NFE2: variants seen among roughly 807,000 people sequenced by gnomAD.
NFE2 encodes nuclear factor, erythroid 2, also known as transcription factor NF-E2 45 kDa subunit.
NFE2 carries 13 observed loss-of-function variants against 25.8 expected under a neutral mutation model. The observed-to-expected ratio is 0.50, with a 90% CI of 0.33 to 0.80. The LOEUF is 0.80. Among genes scored for constraint, NFE2 ranks in the 30% least tolerant of loss-of-function variants. The pLI is 0.02. For missense variants in NFE2, 382 were observed against 478.9 expected, an observed-to-expected ratio of 0.80 and a Z score of 1.89; for synonymous variants, 204 against 200.2, an observed-to-expected ratio of 1.02 and a Z score of -0.16.
chr12:54,292,457 G>A lies in NFE2; in HGVS notation c.1039C>T (p.Pro347Ser). 1 of 1,614,196 alleles carries A rather than the reference G, an allele frequency of 6.2e-7. No homozygotes were observed. Among genetic ancestry groups the A allele is most frequent in the Non-Finnish European group, 8.5e-7 (1 of 1,180,026 alleles). Residue 347 changes from proline (P) to serine (S), a missense_variant, in exon 3 of 3, where the codon CCT becomes TCT. Physicochemically the swap from Pro to Ser is moderately conservative, Grantham distance 74 (BLOSUM62 -1). Transcript: ENST00000435572. The part of the protein sequence containing the change: ...LRDESGNSYS[P>S]EEYALQQAAD... ...GCCTGTTGCAGCGCGTACTCTTCAG[G>A]AGAGTAGCTGTTGCCTGATTCATCC...
At chr12:54,294,375 C>T (rs1052867853) in intron 2 of NFE2, among the ~76,000 whole-genome samples, 2 of 152,124 alleles carry the variant, frequency 1.3e-5, no homozygotes, top group Non-Finnish European at 2.9e-5. Context: ...AGATCCTGGC[C>T]ATGCCCCAGA....
Position 54,292,236 on chromosome 12 carries a change from C to T in NFE2, c.*138G>A, listed in dbSNP as rs1944322995. On this transcript the variant is annotated 3_prime_UTR_variant, in exon 3 of 3. Coordinates refer to ENST00000435572, the MANE Select transcript of NFE2 (RefSeq NM_001136023.3). ...AAGCCTCTTTGAACACACCTTGGAA[C>T]TTCCAAACACTTGTTGCCATTGTCA... 1 of 902,312 alleles carries T rather than the reference C, an allele frequency of 1.1e-6. No individual in the cohort carries two copies. The highest frequency in any genetic ancestry group is 1.6e-6 in the Non-Finnish European group (1 of 606,260). 55.9% of individuals were successfully genotyped at this position (902,312 alleles called of 1,614,324 possible).
rs1391375831 is a variant in NFE2, at chr12:54,292,649, A to G, written c.847T>C (p.Cys283Arg). 1 of 1,614,154 alleles carries G rather than the reference A, an allele frequency of 6.2e-7. No homozygotes were observed. Among genetic ancestry groups the G allele is most frequent in the Non-Finnish European group, 8.5e-7 (1 of 1,180,020 alleles). ...RGKNKVAAQN[C>R]RKRKLETIVQ... ...ATGGTTTCCAGCTTCCTCTTGCGGCAGTTCTGGGCTGCCACCTTGTTTTTG... is the reference window on the plus strand; with the variant it reads ...ATGGTTTCCAGCTTCCTCTTGCGGCGGTTCTGGGCTGCCACCTTGTTTTTG... The change falls in exon 3 of 3, where the codon TGC becomes CGC. Residue 283 changes from cysteine to arginine, a missense_variant. Coordinates refer to ENST00000435572, the MANE Select transcript of NFE2 (RefSeq NM_001136023.3).
Position 54,292,599 on chromosome 12 carries a change from C to A in NFE2, c.897G>T (p.Glu299Asp). ...GCCGCTCCCGTTCATTGGTCAGCCG[C>A]TCCAGCTCCCGCTCCAGCTGCACAA... ...ETIVQLEREL[E>D]RLTNERERLL... The change falls in exon 3 of 3, where the codon GAG becomes GAT. Residue 299 changes from glutamate to aspartate, a missense_variant. Coordinates refer to ENST00000435572, the MANE Select transcript of NFE2 (RefSeq NM_001136023.3). The A allele has an allele frequency of 6.2e-7, 1 of 1,614,208 alleles. No homozygotes were observed. The highest frequency in any genetic ancestry group is 1.1e-5 in the South Asian group (1 of 91,090).
In NFE2 at chr12:54,292,442, G is replaced by C; in HGVS notation, c.1054C>G (p.Leu352Val). The change falls in exon 3 of 3, where the codon CTG becomes GTG. Residue 352 changes from leucine to valine, a missense_variant. Leu to Val is a conservative substitution (Grantham distance 32, BLOSUM62 1). Transcript: ENST00000435572. ...GNSYSPEEYA[L>V]QQAADGTIFL... is the part of the protein sequence containing the mutation. ...ATGGTCCCATCGGCAGCCTGTTGCA[G>C]CGCGTACTCTTCAGGAGAGTAGCTG... 6.2e-7 allele frequency: 1 copy of C among 1,614,210 alleles called. No individual in the cohort carries two copies. Among genetic ancestry groups the C allele is most frequent in the South Asian group, 1.1e-5 (1 of 91,086 alleles).
intron 2 of NFE2, among the ~76,000 whole-genome samples, chr12:54,293,807 C>T (rs941727759): frequency 2.0e-5 from 3 of 151,790 alleles, no homozygotes; most frequent in Admixed American, 2.0e-4. Flanking sequence ...CAAGATAGTG[C>T]CACTATCCAG....
Position 54,293,253 on chromosome 12 carries a change from T to C in NFE2, c.243A>G (p.Pro81=), listed in dbSNP as rs775939326. The C allele has an allele frequency of 3.7e-6, 6 of 1,610,490 alleles. No individual in the cohort carries two copies. The highest frequency in any genetic ancestry group is 4.2e-6 in the Non-Finnish European group (5 of 1,178,418). The change falls in exon 3 of 3, where the codon CCA becomes CCG. Residue 81 remains proline (P), a synonymous_variant. Transcript: ENST00000435572. The stretch of plus-strand genomic sequence containing the variant: ...ATGTGGATGCTGGGAGCTCATAAGG[T>C]GGTGGAGGAAGTGGGAAGCCAGAAT... ...HPDSGFPLPP[P]PYELPASTSH...
chr12:54,300,776 C>A (rs79977579), intron 1 of NFE2, 25 bp downstream of exon 1: 10,111 of 151,806 alleles, frequency 0.067, 457 homozygotes, highest in Non-Finnish European at 0.098. Flanking sequence ...CCGCCCCCCC[C>A]ACACACACCC....
At position 54,293,341 on chromosome 12, in the gene NFE2, G is replaced by T; in HGVS notation, c.155C>A (p.Ala52Asp). ...TGGAGGTCCAAGGTATGGAGCTGGGGCTTGGGGCTCAAATGATGGCTCACT... is the reference window on the plus strand; with the variant it reads ...TGGAGGTCCAAGGTATGGAGCTGGGTCTTGGGGCTCAAATGATGGCTCACT... ...APSEPSFEPQ[A>D]PAPYLGPPPP... Residue 52 changes from alanine to aspartate, a missense_variant, in exon 3 of 3, where the codon GCC becomes GAC. Ala to Asp is a moderately radical substitution (Grantham distance 126). Transcript: ENST00000435572. 1 of 1,560,876 alleles carries T rather than the reference G, an allele frequency of 6.4e-7. No individual in the cohort carries two copies. The highest frequency in any genetic ancestry group is 8.7e-7 in the Non-Finnish European group (1 of 1,150,492).
chr12:54,293,590 C>T (rs1211063430), intron 2 of NFE2, among the ~76,000 whole-genome samples: 2 of 152,188 alleles, frequency 1.3e-5, no homozygotes, highest in Non-Finnish European at 2.9e-5. Context: ...TGGCTCACAC[C>T]TATAATCCCA....
chr12:54,298,514 A>C (rs1403342924), intron 1 of NFE2, among the ~76,000 whole-genome samples: 4 of 151,266 alleles, frequency 2.6e-5, no homozygotes, highest in Non-Finnish European at 5.9e-5. Context: ...CATCAAAAAA[A>C]AAAAAAAAAA....
In NFE2 at chr12:54,292,948, G is replaced by A. The variant is rs1944332414; in HGVS notation, c.548C>T (p.Ser183Leu). 4 of 1,588,708 alleles carry A rather than the reference G, an allele frequency of 2.5e-6. No homozygotes were observed. The highest frequency in any genetic ancestry group is 1.2e-5 in the South Asian group (1 of 86,460). The change falls in exon 3 of 3, where the codon TCA (serine) becomes TTA (leucine). Residue 183 changes from serine (S) to leucine (L), a missense_variant. Coordinates refer to ENST00000435572, the MANE Select transcript of NFE2 (RefSeq NM_001136023.3). ...VEMYPVEYPY[S>L]LMPNSLAHSN... Reference sequence around the variant, plus strand: ...GTGGGCCAAGGAGTTGGGCATGAGTGAGTAGGGGTACTCCACTGGGTACAT... The same window carrying A: ...GTGGGCCAAGGAGTTGGGCATGAGTAAGTAGGGGTACTCCACTGGGTACAT...
chr12:54,296,848 T>C (rs1042586056), intron 1 of NFE2, among the ~76,000 whole-genome samples: 5 of 152,072 alleles, frequency 3.3e-5, no homozygotes, highest in Admixed American at 6.6e-5. Context: ...TTGGATAGCT[T>C]AGAATTCTCA....
chr12:54,295,219 C>T lies in NFE2; in HGVS notation c.30G>A (p.Arg10=), dbSNP rs1944360798. 6.2e-7 allele frequency: 1 copy of T among 1,614,054 alleles called. No individual in the cohort carries two copies. The highest frequency in any genetic ancestry group is 1.7e-5 in the Admixed American group (1 of 59,994). MSPCPPQQS[R]NRVIQLSTSE... Reference sequence around the variant, plus strand: ...AAGTGGACAGCTGTATCACCCTGTTCCTGCTCTGCTGGGGAGGACACGGGG... The same window carrying T: ...AAGTGGACAGCTGTATCACCCTGTTTCTGCTCTGCTGGGGAGGACACGGGG... Residue 10 remains arginine (R), a synonymous_variant, in exon 2 of 3, where the codon AGG becomes AGA. Transcript: ENST00000435572.
At chr12:54,294,500 G>A (rs1944351039) in intron 2 of NFE2, among the ~76,000 whole-genome samples, 1 of 152,070 alleles carries the variant, frequency 6.6e-6, no homozygotes. Flanking sequence ...AAGCACCTTG[G>A]GGAGCCAGCA....
At chr12:54,299,328 CAA>C (rs1282028688) in intron 1 of NFE2, among the ~76,000 whole-genome samples, 1 of 152,144 alleles carries the variant, frequency 6.6e-6, no homozygotes, top group East Asian at 1.9e-4. Context: ...AGAATTGGAT[CAA>C]ATAGAACACC....
intron 2 of NFE2, among the ~76,000 whole-genome samples, chr12:54,294,475 T>G (rs1944350668): frequency 6.6e-6 from 1 of 151,472 alleles, no homozygotes; most frequent in South Asian, 2.1e-4. Flanking sequence ...AAAAGGGGGG[T>G]GGCTGGGGGC....
chr12:54,292,655 G>A lies in NFE2; in HGVS notation c.841C>T (p.Gln281Ter), dbSNP rs1407069203. 1 of 1,614,058 alleles carries A rather than the reference G, an allele frequency of 6.2e-7. No individual in the cohort carries two copies. The highest frequency in any genetic ancestry group is 8.5e-7 in the Non-Finnish European group (1 of 1,180,050). The part of the protein sequence containing the change: ...RRRGKNKVAA[Q>*]NCRKRKLETI... ...TCCAGCTTCCTCTTGCGGCAGTTCT[G>A]GGCTGCCACCTTGTTTTTGCCCCGT... Residue 281 changes from glutamine to a stop codon, truncating the protein, a stop_gained, in exon 3 of 3, where the codon CAG (glutamine) becomes TAG (stop). Transcript: ENST00000435572. LOFTEE classifies it high-confidence loss of function.
chr12:54,292,588 T>C lies in NFE2; in HGVS notation c.908A>G (p.Asn303Ser), dbSNP rs200384980. Reference sequence around the variant, plus strand: ...GGCCCTGAGAAGCCGCTCCCGTTCATTGGTCAGCCGCTCCAGCTCCCGCTC... The same window carrying C: ...GGCCCTGAGAAGCCGCTCCCGTTCACTGGTCAGCCGCTCCAGCTCCCGCTC... ...QLERELERLT[N>S]ERERLLRARG... Residue 303 changes from asparagine (N) to serine (S), a missense_variant, in exon 3 of 3, where the codon AAT (asparagine) becomes AGT (serine). By Grantham distance (46) the Asn-to-Ser change is conservative. Coordinates refer to ENST00000435572, the MANE Select transcript of NFE2 (RefSeq NM_001136023.3). 8.2e-5 allele frequency: 132 copies of C among 1,614,140 alleles called. No individual in the cohort carries two copies. In the East Asian group the frequency reaches 2.9e-3, roughly 35 times the overall value.
Sources: gnomAD v4.1 joint callset for allele counts (sites outside exome capture counted in the v4.1 genomes callset) on GRCh38, gnomAD v4.1.1 for gene constraint, MANE v1.5 for transcripts, NCBI Gene and HGNC (gene_info 2026-07-23, HGNC 2026-07-21) for gene names.